GPR107: variants seen among roughly 807,000 people sequenced by gnomAD.
The protein encoded by GPR107 is G protein-coupled receptor 107.
GPR107 carries 31 observed loss-of-function variants against 75.5 expected under a neutral mutation model. The ratio of observed to expected loss-of-function variants is 0.41; its 90% CI spans 0.31 to 0.55. GPR107 has a LOEUF of 0.55. Ranked by LOEUF, GPR107 falls within the 20% of genes least tolerant of loss-of-function variation. The pLI is 0.26. For missense variants in GPR107, 572 were observed against 665.7 expected (o/e 0.86, Z 1.55); for synonymous variants, 267 against 251.3 (o/e 1.06, Z -0.59).
chr9:130,135,463 T>G lies in GPR107; in HGVS notation c.*342T>G. The G allele has an allele frequency of 5.1e-6, 1 of 196,968 alleles. No individual in the cohort carries two copies. Among genetic ancestry groups the G allele is most frequent in the South Asian group, 1.0e-4 (1 of 9,810 alleles). The allele number at this position is 196,968 out of a possible 1,614,324, so 12.2% of individuals were successfully genotyped here. A position where few individuals can be genotyped will look rare whatever the true frequency, so the allele number is the denominator to read the frequency against. ...TAAGGTGTATGCAGTTGTGACCCCATGTGTGGGGAAGTGTAGCAAGGACGG... is the reference window on the plus strand; with the variant it reads ...TAAGGTGTATGCAGTTGTGACCCCAGGTGTGGGGAAGTGTAGCAAGGACGG... On this transcript the variant is annotated 3_prime_UTR_variant, in exon 18 of 18. Coordinates refer to ENST00000347136, the MANE Select transcript of GPR107 (RefSeq NM_020960.5).
chr9:130,056,115 G>A (rs1365554099), intron 1 of GPR107, among the ~76,000 whole-genome samples: 1 of 151,718 alleles, frequency 6.6e-6, no homozygotes, highest in Non-Finnish European at 1.5e-5. Context: ...AGAATCTGTT[G>A]AGAGCTATAG....
intron 7 of GPR107, among the ~76,000 whole-genome samples, chr9:130,089,135 A>C (rs1198959415): frequency 1.3e-5 from 2 of 151,726 alleles, no homozygotes; most frequent in East Asian, 1.9e-4. Context: ...ACGCCACTGC[A>C]CTCCAGCTCG....
rs34227818 is a variant in GPR107 at position 130,092,364 on chromosome 9, T to C, written c.846T>C (p.His282=). The C allele has an allele frequency of 4.7e-3, 7,573 of 1,612,526 alleles. 281 individuals carry two copies. In the African/African-American group the frequency reaches 0.08, roughly 17 times the overall value. Residue 282 remains histidine (H), a synonymous_variant, in exon 9 of 18, where the codon CAT becomes CAC. Coordinates refer to ENST00000347136, the MANE Select transcript of GPR107 (RefSeq NM_020960.5). ...FFFLSGTIWI[H]ILRKRRNDVF... ...TTCTTTCTGGGACCATCTGGATTCA[T>C]ATCCTTCGAAAACGACGGTAAACTA... is the stretch of plus-strand genomic sequence containing the variant.
At chr9:130,067,646 A>G (rs746443358) in intron 1 of GPR107, among the ~76,000 whole-genome samples, 2 of 151,956 alleles carry the variant, frequency 1.3e-5, no homozygotes, top group Admixed American at 6.6e-5. Flanking sequence ...GTGAATTGCT[A>G]TGTATGTGCA....
intron 4 of GPR107, among the ~76,000 whole-genome samples, chr9:130,077,751 G>A (rs574309633): frequency 5.9e-5 from 9 of 152,178 alleles, no homozygotes; most frequent in East Asian, 1.9e-4. Flanking sequence ...CTGGGTCCAC[G>A]TAATGGCTTC....
At chr9:130,067,591 C>T (rs1396841556) in intron 1 of GPR107, among the ~76,000 whole-genome samples, 1 of 152,062 alleles carries the variant, frequency 6.6e-6, no homozygotes, top group Non-Finnish European at 1.5e-5. Context: ...ATGTGCTTAG[C>T]TGGTGGATTT....
At chr9:130,104,341 G>A in intron 12 of GPR107, 79 bp from the exon 13 acceptor site, 3 of 1,368,840 alleles carry the variant, frequency 2.2e-6, no homozygotes, top group Non-Finnish European at 3.1e-6. Context: ...AGGCCAAGGT[G>A]TACACCCCAC....
At chr9:130,129,631 A>T (rs962025103) in intron 17 of GPR107, 4 of 152,178 alleles carry the variant, frequency 2.6e-5, no homozygotes, top group African/African-American at 7.2e-5. Context: ...AGGAAGAAAC[A>T]CCTCCTTCTA....
Position 130,139,336 on chromosome 9 carries a change from A to G in GPR107, c.*4215A>G, listed in dbSNP as rs1832037615. ...GGTGTTTCTGGCAGGGCGTTTTTAA[A>G]AGGCATCTACCTGAGTTGACGCTAA... On this transcript the variant is annotated 3_prime_UTR_variant, in exon 18 of 18. Coordinates refer to ENST00000347136, the MANE Select transcript of GPR107 (RefSeq NM_020960.5). The G allele has an allele frequency of 6.6e-6, 1 of 152,178 alleles. No individual in the cohort carries two copies. The highest frequency in any genetic ancestry group is 2.1e-4 in the South Asian group (1 of 4,830). The allele number at this position is 152,178 out of a possible 1,614,324, so 9.4% of individuals were successfully genotyped here.
intron 12 of GPR107, among the ~76,000 whole-genome samples, chr9:130,102,441 C>G (rs1471685999): frequency 6.6e-6 from 1 of 152,200 alleles, no homozygotes; most frequent in Non-Finnish European, 1.5e-5. Context: ...TTCCAGGAAG[C>G]CCGTCCTGGG....
At chr9:130,068,895 C>T (rs1292193874) in intron 1 of GPR107, among the ~76,000 whole-genome samples, 1 of 152,066 alleles carries the variant, frequency 6.6e-6, no homozygotes, top group Admixed American at 6.6e-5. Flanking sequence ...CACACTGCCA[C>T]ACCCAGCTAA....
intron 9 of GPR107, 70 bp downstream of exon 9, chr9:130,092,451 G>GGTTCAGGAGCCAAC: frequency 7.8e-7 from 1 of 1,279,968 alleles, no homozygotes; most frequent in Non-Finnish European, 1.1e-6. Context: ...GTTGGCTCCT[G>GGTTCAGGAGCCAAC]AACCTGGAGG....
At chr9:130,118,973 A>G (rs1056241086) in intron 14 of GPR107, among the ~76,000 whole-genome samples, 3 of 152,116 alleles carry the variant, frequency 2.0e-5, no homozygotes, top group African/African-American at 7.2e-5. Context: ...CTTTCACCGT[A>G]TTTGCTGCTC....
chr9:130,127,191 G>GGATA lies in GPR107; in HGVS notation c.1357-290_1357-287dup, dbSNP rs373579231. 3.1e-3 allele frequency among the ~76,000 whole-genome samples: 466 copies of GGATA among 152,262 alleles called. 4 individuals are homozygous for GGATA. Among genetic ancestry groups the GGATA allele is most frequent in the African/African-American group, 0.01 (432 of 41,532 alleles). ...ATTGAAATCAAGGGCTTATGTCTGT[G>GGATA]GATAGGGTGAGGAAGGGTTAAGAAC... On this transcript the variant is annotated intron_variant, in intron 15 of 17. Transcript: ENST00000347136.
rs561707522 is a variant in GPR107 at position 130,106,447 on chromosome 9, A to T, written c.1263-1049A>T. On this transcript the variant is annotated intron_variant, in intron 13 of 17. Transcript: ENST00000347136. ...CCCCATCTTAACTAAAAATATAAAA[A>T]TTAGCTGGGCGTGGTAGCATGTGCC... 6.6e-5 allele frequency among the ~76,000 whole-genome samples: 10 copies of T among 151,986 alleles called. 1 individual carries two copies. Among genetic ancestry groups the T allele is most frequent in the African/African-American group, 2.2e-4 (9 of 41,452 alleles).
At chr9:130,131,971 C>T (rs1314872284) in intron 17 of GPR107, among the ~76,000 whole-genome samples, 3 of 152,142 alleles carry the variant, frequency 2.0e-5, no homozygotes, top group Non-Finnish European at 4.4e-5. Flanking sequence ...GGCTTGAGCT[C>T]CCCGGGCTCA....
intron 14 of GPR107, among the ~76,000 whole-genome samples, chr9:130,115,253 T>C (rs1349007136): frequency 1.3e-5 from 2 of 152,164 alleles, no homozygotes; most frequent in Non-Finnish European, 2.9e-5. Flanking sequence ...TAATAACCTC[T>C]TCTTTAGATT....
intron 14 of GPR107, among the ~76,000 whole-genome samples, chr9:130,120,167 G>T (rs965885653): frequency 5.3e-5 from 8 of 152,188 alleles, no homozygotes; most frequent in Non-Finnish European, 1.2e-4. Context: ...AGCACTTGTT[G>T]TCCCCAAGGT....
chr9:130,089,665 TC>T (rs1312033608), intron 7 of GPR107, among the ~76,000 whole-genome samples: 1 of 152,212 alleles, frequency 6.6e-6, no homozygotes, highest in African/African-American at 2.4e-5. Context: ...TTTTAAACTT[TC>T]ATATCTTTTT....
Sources: gnomAD v4.1 joint callset for allele counts (sites outside exome capture counted in the v4.1 genomes callset) on GRCh38, gnomAD v4.1.1 for gene constraint, MANE v1.5 for transcripts, NCBI Gene and HGNC (gene_info 2026-07-23, HGNC 2026-07-21) for gene names.